Variants in LRRC20 observed in about 807,000 individuals in gnomAD.
LRRC20 encodes leucine rich repeat containing 20, also known as leucine-rich repeat-containing protein 20.
A neutral mutation model predicts 14.4 loss-of-function variants in LRRC20; 11 were observed. That is an observed-to-expected ratio of 0.77 (90% confidence interval 0.48 to 1.27). The LOEUF is 1.27. Among genes scored for constraint, LRRC20 ranks in the 50% most tolerant of loss-of-function variants. The pLI, the probability that LRRC20 is intolerant of heterozygous loss-of-function variation, is 0.00. For missense variants in LRRC20, 219 were observed against 251.2 expected, an observed-to-expected ratio of 0.87 and a Z score of 0.87; for synonymous variants, 121 against 107.3, an observed-to-expected ratio of 1.13 and a Z score of -0.79.
intron 3 of LRRC20, among the ~76,000 whole-genome samples, chr10:70,325,752 G>A (rs867505592): frequency 6.6e-6 from 1 of 152,198 alleles, no homozygotes; most frequent in Non-Finnish European, 1.5e-5. Context: ...GGGTGGTTGC[G>A]TGGGTGCCCT....
intron 4 of LRRC20, among the ~76,000 whole-genome samples, chr10:70,316,739 C>T (rs1014565648): frequency 1.3e-5 from 2 of 152,262 alleles, no homozygotes; most frequent in African/African-American, 2.4e-5. Context: ...ACCTCTCCCT[C>T]GGTGCGGCTG....
intron 4 of LRRC20, among the ~76,000 whole-genome samples, chr10:70,318,791 A>T (rs995546946): frequency 3.3e-5 from 5 of 151,612 alleles, no homozygotes; most frequent in Non-Finnish European, 7.4e-5. Context: ...GTATTTAATC[A>T]ATTATTTTTT....
intron 3 of LRRC20, among the ~76,000 whole-genome samples, chr10:70,331,851 T>C (rs1842548458): frequency 6.6e-6 from 1 of 152,150 alleles, no homozygotes; most frequent in Admixed American, 6.6e-5. Context: ...TAAATGGACC[T>C]CTTCTTCCCC....
chr10:70,376,056 C>T (rs1224358989), intron 2 of LRRC20, among the ~76,000 whole-genome samples: 3 of 152,180 alleles, frequency 2.0e-5, no homozygotes, highest in East Asian at 1.9e-4. Flanking sequence ...AGGCTAACCA[C>T]GCCCAGCTGG....
At chr10:70,349,213 C>T (rs956132573) in intron 2 of LRRC20, among the ~76,000 whole-genome samples, 1 of 152,208 alleles carries the variant, frequency 6.6e-6, no homozygotes, top group African/African-American at 2.4e-5. Context: ...CATGGTCAGG[C>T]AGAGTCTCCA....
chr10:70,370,782 G>C (rs1345477901), intron 2 of LRRC20, among the ~76,000 whole-genome samples: 1 of 151,374 alleles, frequency 6.6e-6, no homozygotes, highest in Non-Finnish European at 1.5e-5. Flanking sequence ...AACAAGTATA[G>C]GCTGAGACAA....
At chr10:70,369,248 G>A (rs890533829) in intron 2 of LRRC20, among the ~76,000 whole-genome samples, 1 of 152,152 alleles carries the variant, frequency 6.6e-6, no homozygotes, top group South Asian at 2.1e-4. Flanking sequence ...CACATCATTG[G>A]CCTCGCTTAG....
Position 70,301,373 on chromosome 10 carries a change from G to A in LRRC20, c.536C>T (p.Ala179Val), listed in dbSNP as rs1257639090. 1 of 1,613,282 alleles carries A rather than the reference G, an allele frequency of 6.2e-7. No homozygotes were observed. Among genetic ancestry groups the A allele is most frequent in the South Asian group, 1.1e-5 (1 of 91,020 alleles). The part of the protein sequence containing the change: ...KFDMLMSPEG[A>V]RAPLP ...GGTGGCCTAAGGTAGGGGGGCTCTT[G>A]CGCCTTCCGGAGACATGAGCATGTC... Residue 179 changes from alanine (A) to valine (V), a missense_variant, in exon 5 of 5, where the codon GCA becomes GTA. Ala to Val is a moderately conservative substitution (Grantham distance 64, BLOSUM62 0). Transcript: ENST00000446961.
intron 3 of LRRC20, among the ~76,000 whole-genome samples, chr10:70,333,403 T>A (rs1022854135): frequency 6.6e-6 from 1 of 152,170 alleles, no homozygotes; most frequent in Non-Finnish European, 1.5e-5. Flanking sequence ...CAACTCCCCT[T>A]CATAGGGAAT....
chr10:70,352,005 G>A (rs1383267471), intron 2 of LRRC20, among the ~76,000 whole-genome samples: 3 of 152,148 alleles, frequency 2.0e-5, no homozygotes, highest in African/African-American at 7.2e-5. Context: ...CTTTTCTCAA[G>A]TTAGTTATAT....
chr10:70,369,200 C>A (rs1435115912), intron 2 of LRRC20, among the ~76,000 whole-genome samples: 1 of 152,148 alleles, frequency 6.6e-6, no homozygotes, highest in East Asian at 1.9e-4. Context: ...GGAGGAGAGG[C>A]AGGTGTGTGG....
chr10:70,342,579 C>T (rs1182635326), intron 2 of LRRC20, among the ~76,000 whole-genome samples: 3 of 152,172 alleles, frequency 2.0e-5, no homozygotes, highest in Non-Finnish European at 4.4e-5. Flanking sequence ...TTTCCTCATC[C>T]ACAGAATGAA....
At chr10:70,349,891 C>A (rs191318949) in intron 2 of LRRC20, among the ~76,000 whole-genome samples, 11 of 152,244 alleles carry the variant, frequency 7.2e-5, no homozygotes, top group Admixed American at 7.2e-4. Context: ...CCTCCTCAGT[C>A]ACTGGCAGAT....
intron 2 of LRRC20, among the ~76,000 whole-genome samples, chr10:70,372,819 T>C (rs1844353619): frequency 6.6e-6 from 1 of 151,966 alleles, no homozygotes; most frequent in Admixed American, 6.6e-5. Context: ...TAGCATTATA[T>C]AGGCCGGGTG....
chr10:70,331,507 C>T (rs969767276), intron 3 of LRRC20, among the ~76,000 whole-genome samples: 2 of 152,348 alleles, frequency 1.3e-5, no homozygotes, highest in South Asian at 2.1e-4. Flanking sequence ...GTTGGGCTTC[C>T]AGCCCAACAC....
chr10:70,329,521 T>C (rs759643681), intron 3 of LRRC20, among the ~76,000 whole-genome samples: 3 of 152,136 alleles, frequency 2.0e-5, no homozygotes, highest in Admixed American at 6.5e-5. Context: ...CAAATGCTTT[T>C]TCTTTGTCAA....
rs540268513 is a variant in LRRC20 at position 70,345,289 on chromosome 10, G to A, written c.83-4587C>T. ...GTCAGAATAACCCCTTAACAATTCT[G>A]AGAAAGACTCAATCTAAGAATCAAA... On this transcript the variant is annotated intron_variant, in intron 2 of 4. Transcript: ENST00000446961. 1.1e-4 allele frequency among the ~76,000 whole-genome samples: 17 copies of A among 152,190 alleles called. No individual in the cohort carries two copies. The South Asian group carries it at 3.1e-3, about 28-fold the overall frequency.
At chr10:70,332,839 G>A (rs1034841645) in intron 3 of LRRC20, among the ~76,000 whole-genome samples, 1 of 152,186 alleles carries the variant, frequency 6.6e-6, no homozygotes, top group African/African-American at 2.4e-5. Flanking sequence ...CTCTGGACAC[G>A]GACTTGGATG....
intron 2 of LRRC20, among the ~76,000 whole-genome samples, chr10:70,342,232 C>A (rs559825884): frequency 1.4e-4 from 21 of 151,962 alleles, no homozygotes; most frequent in Non-Finnish European, 2.9e-4. Context: ...ATCGCTTCAA[C>A]CTGGGAGGCA....
Sources: allele counts gnomAD v4.1 joint callset (sites outside exome capture counted in the v4.1 genomes callset), GRCh38; gene constraint gnomAD v4.1.1; transcripts MANE v1.5; gene names NCBI Gene and HGNC (gene_info 2026-07-23, HGNC 2026-07-21).